The following GDI2 variants were observed in gnomAD, a reference collection of about 807,000 sequenced individuals.
GDI2 encodes GDP dissociation inhibitor 2, also known as rab GDP dissociation inhibitor beta.
GDI2 carries 22 observed loss-of-function variants against 54.2 expected under a neutral mutation model. The observed-to-expected ratio is 0.41, with a 90% CI of 0.29 to 0.58. The LOEUF is 0.58. Ranked by LOEUF, GDI2 falls within the 20% of genes least tolerant of loss-of-function variation. GDI2 has a pLI of 0.35. For synonymous variants in GDI2, 177 were observed against 182.1 expected (o/e 0.97, Z 0.23); for missense variants, 422 against 546.0 (o/e 0.77, Z 2.26).
chr10:5,807,914 C>G (rs7089100), intron 1 of GDI2, among the ~76,000 whole-genome samples: 91,556 of 152,064 alleles, frequency 0.6, 27,739 homozygotes, highest in Middle Eastern at 0.67. Flanking sequence ...GTTTCCACGG[C>G]CAGTAACAAT....
chr10:5,794,771 T>C (rs762627962), intron 4 of GDI2, 114 bp downstream of exon 4: 41 of 737,238 alleles, frequency 5.6e-5, no homozygotes, highest in South Asian at 8.6e-5. Context: ...TGGCACATGA[T>C]AGACATTCAA....
chr10:5,809,858 C>G (rs192363091), intron 1 of GDI2, among the ~76,000 whole-genome samples: 1 of 152,228 alleles, frequency 6.6e-6, no homozygotes, highest in African/African-American at 2.4e-5. Context: ...ATTGTCATCT[C>G]TACATGCTAA....
chr10:5,770,499 T>C (rs930860950), intron 7 of GDI2, among the ~76,000 whole-genome samples: 1 of 151,890 alleles, frequency 6.6e-6, no homozygotes, highest in African/African-American at 2.4e-5. Flanking sequence ...GAGGCAGAGA[T>C]TGCAGTGAGC....
rs770569138 is a variant in GDI2 at position 5,768,415 on chromosome 10, G to A, written c.820-31C>T. 3.1e-5 allele frequency: 45 copies of A among 1,453,534 alleles called. No homozygotes were observed. The highest frequency in any genetic ancestry group is 4.2e-5 in the Non-Finnish European group (44 of 1,035,854). 90.0% of individuals were successfully genotyped at this position (1,453,534 alleles called of 1,614,324 possible). ...ACAAAGCATTTAAGAAGACACTGAA[G>A]CGGACAAGGATATAGGGAAACACAT... On this transcript the variant is annotated intron_variant, in intron 7 of 10. Transcript: ENST00000380191. The surrounding 1 kb of genome is among the most constrained non-coding windows in gnomAD (Gnocchi z 4.4).
intron 1 of GDI2, among the ~76,000 whole-genome samples, chr10:5,804,237 G>T (rs113940085): frequency 0.01 from 1,565 of 152,166 alleles, 28 homozygotes; most frequent in African/African-American, 0.035. Flanking sequence ...GGGATTACAG[G>T]CATGCACCAT....
chr10:5,800,555 C>T, intron 2 of GDI2, 43 bp downstream of exon 2: 3 of 905,378 alleles, frequency 3.3e-6, no homozygotes, highest in South Asian at 2.6e-5. Flanking sequence ...AAGTGAAATA[C>T]TCACAAAGTG....
chr10:5,794,999 G>T lies in GDI2; in HGVS notation c.274C>A (p.Leu92Ile). The T allele has an allele frequency of 6.3e-7, 1 of 1,591,308 alleles. No homozygotes were observed. Among genetic ancestry groups the T allele is most frequent in the Non-Finnish European group, 8.6e-7 (1 of 1,159,464 alleles). ...MANGQLVKML[L>I]YTEVTRYLDF... ...AGATAGCGAGTTACCTCTGTATAAA[G>T]CAGCATCTTAACCAGCTGACCTAGA... The change falls in exon 4 of 11, where the codon CTT (leucine) becomes ATT (isoleucine). Residue 92 changes from leucine (L) to isoleucine (I), a missense_variant. Physicochemically the swap from Leu to Ile is conservative, Grantham distance 5. Transcript: ENST00000380191.
chr10:5,772,611 G>A (rs1484488412), intron 7 of GDI2, among the ~76,000 whole-genome samples: 2 of 152,050 alleles, frequency 1.3e-5, no homozygotes, highest in Non-Finnish European at 2.9e-5. Context: ...ACATAAATTA[G>A]CCAGGCATGG....
intron 1 of GDI2, among the ~76,000 whole-genome samples, chr10:5,809,362 T>C (rs1330937517): frequency 6.6e-6 from 1 of 152,100 alleles, no homozygotes; most frequent in Non-Finnish European, 1.5e-5. Flanking sequence ...TCACATTTCT[T>C]AGCCTAGAAT....
chr10:5,809,196 G>A (rs1227896441), intron 1 of GDI2, among the ~76,000 whole-genome samples: 3 of 145,284 alleles, frequency 2.1e-5, no homozygotes, highest in Non-Finnish European at 4.5e-5. Context: ...GGTGAGCCGA[G>A]ATCACATCAC....
intron 7 of GDI2, among the ~76,000 whole-genome samples, chr10:5,770,963 CAAAAAAAAAAAA>C (rs59686031): frequency 4.3e-5 from 2 of 46,366 alleles, no homozygotes; most frequent in South Asian, 1.2e-3. Flanking sequence ...GAGACTGTCT[CAAAAAAAAAAAA>C]AAAAAAAAAA....
rs749648480 is a variant in GDI2, at chr10:5,773,862, C to A, written c.799G>T (p.Gly267Cys). 2 of 1,466,416 alleles carry A rather than the reference C, an allele frequency of 1.4e-6. No individual in the cohort carries two copies. The highest frequency in any genetic ancestry group is 3.5e-5 in the Admixed American group (2 of 57,228). 90.8% of individuals were successfully genotyped at this position (1,466,416 alleles called of 1,614,324 possible). Residue 267 changes from glycine to cysteine, a missense_variant, in exon 7 of 11, where the codon GGT becomes TGT. Physicochemically the swap from Gly to Cys is radical, Grantham distance 159. Coordinates refer to ENST00000380191, the MANE Select transcript of GDI2 (RefSeq NM_001494.4). ...CTTACTTCTCCTTCAGATTTTACAC[C>A]AATTACTTTTCCATTCTGTACAATG... ...EIIVQNGKVI[G>C]VKSEGEIARC...
chr10:5,811,677 C>T (rs1841481823), intron 1 of GDI2, among the ~76,000 whole-genome samples: 1 of 136,926 alleles, frequency 7.3e-6, no homozygotes, highest in Admixed American at 7.2e-5. Flanking sequence ...AAAAAAAAAG[C>T]ACAAAACCTG....
chr10:5,780,398 A>G (rs998612292), intron 6 of GDI2, among the ~76,000 whole-genome samples: 2 of 152,130 alleles, frequency 1.3e-5, no homozygotes, highest in Admixed American at 1.3e-4. Flanking sequence ...TCCCTGCGAC[A>G]TTATCAGGAA....
chr10:5,800,670 G>T lies in GDI2; in HGVS notation c.81C>A (p.Gly27=), dbSNP rs746176993. The part of the protein sequence containing the change: ...CILSGIMSVN[G]KKVLHMDRNP... ...TTCGATCCATATGAAGAACTTTCTT[G>T]CCATTCACTGACATTATACCTGACA... Residue 27 remains glycine, a synonymous_variant, in exon 2 of 11, where the codon GGC becomes GGA. Coordinates refer to ENST00000380191, the MANE Select transcript of GDI2 (RefSeq NM_001494.4). The T allele has an allele frequency of 6.3e-7, 1 of 1,592,894 alleles. No individual in the cohort carries two copies. Among genetic ancestry groups the T allele is most frequent in the Middle Eastern group, 1.7e-4 (1 of 6,028 alleles).
intron 4 of GDI2, among the ~76,000 whole-genome samples, chr10:5,788,845 C>T (rs1840938893): frequency 6.6e-6 from 1 of 152,146 alleles, no homozygotes; most frequent in Non-Finnish European, 1.5e-5. Flanking sequence ...TCACTGCAAC[C>T]TCTGCCCCTG....
intron 1 of GDI2, among the ~76,000 whole-genome samples, chr10:5,805,128 G>A (rs141772527): frequency 6.7e-4 from 102 of 152,058 alleles, no homozygotes; most frequent in African/African-American, 2.3e-3. Flanking sequence ...CATGGCACCC[G>A]GCTACTATCG....
chr10:5,807,313 T>C lies in GDI2; in HGVS notation c.45+5901A>G, dbSNP rs73612485. Among the ~76,000 whole-genome samples, 1,460 of 152,326 alleles carry C rather than the reference T, an allele frequency of 9.6e-3. 28 individuals carry two copies. Among genetic ancestry groups the C allele is most frequent in the African/African-American group, 0.033 (1,388 of 41,548 alleles). Reference sequence around the variant, plus strand: ...TTAAATTCTACTACAACCTATCTGATGAATACACAATATTCACAAGCAAAG... The same window carrying C: ...TTAAATTCTACTACAACCTATCTGACGAATACACAATATTCACAAGCAAAG... On this transcript the variant is annotated intron_variant, in intron 1 of 10. Coordinates refer to ENST00000380191, the MANE Select transcript of GDI2 (RefSeq NM_001494.4).
chr10:5,778,409 G>C (rs993077181), intron 6 of GDI2, among the ~76,000 whole-genome samples: 2 of 152,176 alleles, frequency 1.3e-5, no homozygotes, highest in African/African-American at 4.8e-5. Context: ...TTCATGCATT[G>C]ACTATATGCA....
Sources: allele counts gnomAD v4.1 joint callset (sites outside exome capture counted in the v4.1 genomes callset), GRCh38; gene constraint gnomAD v4.1.1; non-coding constraint Gnocchi (gnomAD v3.1); transcripts MANE v1.5; gene names NCBI Gene and HGNC (gene_info 2026-07-23, HGNC 2026-07-21).